The following VAT1L variants were observed in gnomAD, a reference collection of about 807,000 sequenced individuals.
VAT1L encodes vesicle amine transport 1 like.
A neutral mutation model predicts 44.1 loss-of-function variants in VAT1L; 34 were observed. That is an observed-to-expected ratio of 0.77 (90% CI 0.59 to 1.03). VAT1L has a LOEUF of 1.03. Among genes scored for constraint, VAT1L ranks in the 50% least tolerant of loss-of-function variants. The pLI is 0.00. For missense variants in VAT1L, 615 were observed against 538.8 expected (o/e 1.14, Z -1.40); for synonymous variants, 253 against 202.2 (o/e 1.25, Z -2.13).
intron 3 of VAT1L, among the ~76,000 whole-genome samples, chr16:77,839,535 C>CAAAAAAAAAAAAAA (rs71137846): frequency 1.0e-4 from 5 of 49,086 alleles, no homozygotes; most frequent in African/African-American, 2.7e-4. Flanking sequence ...TACTCCATAT[C>CAAAAAAAAAAAAAA]AAAAAAAAAA....
intron 3 of VAT1L, among the ~76,000 whole-genome samples, chr16:77,840,071 C>T (rs2016689193): frequency 6.6e-6 from 1 of 152,168 alleles, no homozygotes. Flanking sequence ...AACACCTCCC[C>T]TCCTAAGGTT....
chr16:77,834,043 A>G (rs149614410), intron 3 of VAT1L, among the ~76,000 whole-genome samples: 315 of 152,196 alleles, frequency 2.1e-3, no homozygotes, highest in Middle Eastern at 0.014. Context: ...TTCACTCCTT[A>G]CTTGCAACCA....
chr16:77,979,893 G>A lies in VAT1L; in HGVS notation c.*2198G>A, dbSNP rs1023032671. Reference sequence around the variant, plus strand: ...TCTCATTTTAAGCACCTTCTTTCCTGTCTCTTGATTGTTTTTTCTGAAGGA... The same window carrying A: ...TCTCATTTTAAGCACCTTCTTTCCTATCTCTTGATTGTTTTTTCTGAAGGA... On this transcript the variant is annotated 3_prime_UTR_variant, in exon 9 of 9. Transcript: ENST00000302536. 2 of 152,548 alleles carry A rather than the reference G, an allele frequency of 1.3e-5. No individual in the cohort carries two copies. The highest frequency in any genetic ancestry group is 4.8e-5 in the African/African-American group (2 of 41,404). The allele number at this position is 152,548 out of a possible 1,614,324, so 9.4% of individuals were successfully genotyped here.
At chr16:77,941,848 C>T (rs1056559396) in intron 7 of VAT1L, among the ~76,000 whole-genome samples, 1 of 152,170 alleles carries the variant, frequency 6.6e-6, no homozygotes, top group African/African-American at 2.4e-5. Context: ...CTCGGCCTCC[C>T]AGAGTGCCCA....
chr16:77,898,872 T>C (rs2017352016), intron 7 of VAT1L, among the ~76,000 whole-genome samples: 1 of 152,220 alleles, frequency 6.6e-6, no homozygotes, highest in South Asian at 2.1e-4. Context: ...GATAAACACA[T>C]GCTGGTGTTT....
intron 8 of VAT1L, among the ~76,000 whole-genome samples, chr16:77,975,597 G>A (rs145547691): frequency 2.6e-5 from 4 of 152,276 alleles, no homozygotes; most frequent in African/African-American, 9.6e-5. Context: ...AATAGTCTGG[G>A]CTCTAAGGCG....
At chr16:77,948,912 C>G (rs1364893008) in intron 7 of VAT1L, among the ~76,000 whole-genome samples, 2 of 152,138 alleles carry the variant, frequency 1.3e-5, no homozygotes, top group African/African-American at 4.8e-5. Flanking sequence ...GCATTTGACA[C>G]TTAGCATGCA....
intron 8 of VAT1L, among the ~76,000 whole-genome samples, chr16:77,975,121 C>T (rs79637296): frequency 0.15 from 21,669 of 148,796 alleles, 1,838 homozygotes; most frequent in East Asian, 0.36. Flanking sequence ...GGATGTGTCG[C>T]TGTCCGCTCA....
chr16:77,841,352 G>A (rs1297927545), intron 3 of VAT1L, among the ~76,000 whole-genome samples: 1 of 152,200 alleles, frequency 6.6e-6, no homozygotes, highest in Non-Finnish European at 1.5e-5. Context: ...CAAAGTGCTA[G>A]GATTACAGGC....
At chr16:77,825,865 A>AT (rs1232822440) in intron 3 of VAT1L, among the ~76,000 whole-genome samples, 6 of 149,912 alleles carry the variant, frequency 4.0e-5, no homozygotes, top group Middle Eastern at 3.5e-3. Flanking sequence ...AAATAAAAAA[A>AT]AAAAAAAATT....
At chr16:77,806,148 C>A (rs534873466) in intron 1 of VAT1L, among the ~76,000 whole-genome samples, 1 of 151,812 alleles carries the variant, frequency 6.6e-6, no homozygotes, top group African/African-American at 2.4e-5. Context: ...CAGGCCTGAG[C>A]CACAGCACCC....
At chr16:77,814,436 C>T (rs2016317362) in intron 1 of VAT1L, among the ~76,000 whole-genome samples, 1 of 152,160 alleles carries the variant, frequency 6.6e-6, no homozygotes, top group Non-Finnish European at 1.5e-5. Context: ...CAGTGTTAGC[C>T]TCTTCTCATT....
intron 7 of VAT1L, among the ~76,000 whole-genome samples, chr16:77,929,613 CAGAT>C (rs2017705857): frequency 6.6e-6 from 1 of 152,060 alleles, no homozygotes; most frequent in South Asian, 2.1e-4. Context: ...GAGAGGGTGA[CAGAT>C]AGGGAGTCAG....
chr16:77,842,106 C>A (rs2016713153), intron 3 of VAT1L, among the ~76,000 whole-genome samples: 1 of 152,178 alleles, frequency 6.6e-6, no homozygotes, highest in African/African-American at 2.4e-5. Context: ...CCAGGATGGT[C>A]TCAATCTCCT....
chr16:77,966,634 A>T (rs937287799), intron 7 of VAT1L, among the ~76,000 whole-genome samples: 2 of 152,162 alleles, frequency 1.3e-5, no homozygotes, highest in African/African-American at 4.8e-5. Context: ...AAAGTTTTAA[A>T]TTTTCTAGTT....
At chr16:77,795,377 G>A (rs933761771) in intron 1 of VAT1L, among the ~76,000 whole-genome samples, 79 of 152,066 alleles carry the variant, frequency 5.2e-4, no homozygotes, top group African/African-American at 1.9e-3. Context: ...AAATAAAAGC[G>A]AAGTAAATGG....
chr16:77,950,011 G>A (rs531964554), intron 7 of VAT1L, among the ~76,000 whole-genome samples: 4 of 152,152 alleles, frequency 2.6e-5, no homozygotes, highest in Non-Finnish European at 5.9e-5. Context: ...CTGTAGCCTC[G>A]TTTCACTGCT....
At chr16:77,808,968 C>G (rs2016215176) in intron 1 of VAT1L, among the ~76,000 whole-genome samples, 1 of 152,168 alleles carries the variant, frequency 6.6e-6, no homozygotes, top group Admixed American at 6.5e-5. Context: ...CATCCACTAC[C>G]TAGTATACGG....
intron 7 of VAT1L, among the ~76,000 whole-genome samples, chr16:77,938,372 T>A (rs1001260772): frequency 3.9e-5 from 6 of 152,204 alleles, no homozygotes; most frequent in African/African-American, 1.4e-4. Context: ...AAAAATCTGT[T>A]TTCTAGAACT....
Sources: allele counts gnomAD v4.1 joint callset (sites outside exome capture counted in the v4.1 genomes callset), GRCh38; gene constraint gnomAD v4.1.1; transcripts MANE v1.5; gene names NCBI Gene and HGNC (gene_info 2026-07-23, HGNC 2026-07-21).